Variants in TACC2 observed in about 807,000 individuals in gnomAD.
TACC2 encodes transforming acidic coiled-coil containing protein 2.
A neutral mutation model predicts 227.3 loss-of-function variants in TACC2; 137 were observed. The observed-to-expected ratio is 0.60, with a 90% CI of 0.52 to 0.69. The LOEUF is 0.69. Ranked by LOEUF, TACC2 falls within the 30% of genes least tolerant of loss-of-function variation. The probability of loss-of-function intolerance (pLI) is 0.00; values close to 1 mark genes in which losing one functional copy is unlikely to be tolerated. For synonymous variants in TACC2, 1,523 were observed against 1,487.5 expected (o/e 1.02, Z -0.55); for missense variants, 3,470 against 3,694.4 (o/e 0.94, Z 1.57).
intron 7 of TACC2, among the ~76,000 whole-genome samples, chr10:122,187,842 G>A (rs547635313): frequency 2.6e-5 from 4 of 152,206 alleles, no homozygotes; most frequent in South Asian, 2.1e-4. Flanking sequence ...GATCAGAGCT[G>A]CAATAATAAT....
At position 122,226,500 on chromosome 10, in the gene TACC2, GAGAGT is replaced by G; in HGVS notation, c.7724+20_7724+24del. 1 of 1,553,624 alleles carries G rather than the reference GAGAGT, an allele frequency of 6.4e-7. No individual in the cohort carries two copies. Among genetic ancestry groups the G allele is most frequent in the Non-Finnish European group, 8.9e-7 (1 of 1,127,926 alleles). On this transcript the variant is annotated intron_variant, in intron 13 of 22. Coordinates refer to ENST00000369005, the MANE Select transcript of TACC2 (RefSeq NM_206862.4). ...GTTCAGGGTATGACTTCCATGATGA[GAGAGT>G]TACACATCATGCTGGATGTTCTAAA...
intron 5 of TACC2, among the ~76,000 whole-genome samples, chr10:122,104,995 C>T (rs891053858): frequency 6.6e-6 from 1 of 152,154 alleles, no homozygotes; most frequent in African/African-American, 2.4e-5. Flanking sequence ...TTGCACAGGG[C>T]CAGGATGTAG....
intron 6 of TACC2, among the ~76,000 whole-genome samples, chr10:122,133,033 C>T (rs2088695388): frequency 6.6e-6 from 1 of 152,114 alleles, no homozygotes; most frequent in Admixed American, 6.5e-5. Context: ...TTCAGGGGTC[C>T]CTATTTGAAA....
chr10:122,202,949 CAT>C (rs1264418527), intron 8 of TACC2, among the ~76,000 whole-genome samples: 3 of 151,292 alleles, frequency 2.0e-5, no homozygotes, highest in African/African-American at 4.9e-5. Context: ...GGATACAGCA[CAT>C]GTTTCAGAGA....
intron 5 of TACC2, among the ~76,000 whole-genome samples, chr10:122,096,075 G>C (rs1156418004): frequency 6.6e-6 from 1 of 152,204 alleles, no homozygotes; most frequent in East Asian, 1.9e-4. Context: ...TGCTCGGTGA[G>C]TATTAGGCGC....
chr10:122,194,942 G>A lies in TACC2; in HGVS notation c.5835-98G>A, dbSNP rs751797827. On this transcript the variant is annotated intron_variant, in intron 7 of 22. Transcript: ENST00000369005. The surrounding 1 kb of genome is among the most constrained non-coding windows in gnomAD (Gnocchi z 4.4). The stretch of plus-strand genomic sequence containing the variant: ...TCCCTGCACAGTTTAACTGAGCAGC[G>A]AGCCAGAACCCACTGGCTCTGGGTG... The A allele has an allele frequency of 3.1e-6, 4 of 1,276,236 alleles. No homozygotes were observed. Among genetic ancestry groups the A allele is most frequent in the African/African-American group, 3.0e-5 (2 of 67,036 alleles). The allele number at this position is 1,276,236 out of a possible 1,614,324, so 79.1% of individuals were successfully genotyped here. A position where few individuals can be genotyped will look rare whatever the true frequency, so the allele number is the denominator to read the frequency against.
chr10:122,007,966 T>G (rs1955395530), intron 1 of TACC2, among the ~76,000 whole-genome samples: 1 of 152,164 alleles, frequency 6.6e-6, no homozygotes, highest in Admixed American at 6.6e-5. Context: ...GTGATGCCTC[T>G]GACCACCTCA....
At chr10:122,236,651 C>A (rs2095862616) in intron 16 of TACC2, among the ~76,000 whole-genome samples, 1 of 152,348 alleles carries the variant, frequency 6.6e-6, no homozygotes, top group African/African-American at 2.4e-5. Flanking sequence ...AAAGCCTCAA[C>A]CAACATCAGT....
intron 3 of TACC2, among the ~76,000 whole-genome samples, chr10:122,056,160 G>A (rs1415928646): frequency 6.6e-6 from 1 of 152,156 alleles, no homozygotes; most frequent in Non-Finnish European, 1.5e-5. Context: ...TGAGGCCTGT[G>A]AAGGGGCATT....
chr10:122,122,927 A>G (rs1055272142), intron 5 of TACC2, among the ~76,000 whole-genome samples: 2 of 152,212 alleles, frequency 1.3e-5, no homozygotes, highest in African/African-American at 4.8e-5. Context: ...TAAAATCAGC[A>G]TGCTTGCAAC....
chr10:122,050,310 G>A lies in TACC2; in HGVS notation c.34-128G>A, dbSNP rs1376388935. ...CAGTGCCGCACATAGTAGGTGTTTCGTTGGACGGCAGAGCAAGTGAACAAC... is the reference window on the plus strand; with the variant it reads ...CAGTGCCGCACATAGTAGGTGTTTCATTGGACGGCAGAGCAAGTGAACAAC... On this transcript the variant is annotated intron_variant, in intron 2 of 22. Coordinates refer to ENST00000369005, the MANE Select transcript of TACC2 (RefSeq NM_206862.4). The surrounding 1 kb of genome is among the most constrained non-coding windows in gnomAD (Gnocchi z 4.6). The A allele has an allele frequency of 5.6e-6, 4 of 711,818 alleles. No individual in the cohort carries two copies. The highest frequency in any genetic ancestry group is 1.8e-5 in the African/African-American group (1 of 55,958). 44.1% of individuals were successfully genotyped at this position (711,818 alleles called of 1,614,324 possible).
chr10:122,110,274 C>G lies in TACC2; in HGVS notation c.5573+21683C>G, dbSNP rs114638374. ...CAGTAGATTCCAGGTATCCCAAGAC[C>G]GCACAAGCCTGCATCTTTCCTCCTC... On this transcript the variant is annotated intron_variant, in intron 5 of 22. Transcript: ENST00000369005. Among the ~76,000 whole-genome samples the G allele has an allele frequency of 3.9e-5, 6 of 152,148 alleles. No homozygotes were observed. The East Asian group carries it at 1.2e-3, about 29-fold the overall frequency.
intron 7 of TACC2, among the ~76,000 whole-genome samples, chr10:122,149,681 G>A (rs533156125): frequency 5.3e-5 from 8 of 152,206 alleles, no homozygotes; most frequent in Non-Finnish European, 1.2e-4. Context: ...GAGCCAGTTC[G>A]CCAGTCCGCT....
At chr10:122,093,727 C>T (rs2081076146) in intron 5 of TACC2, among the ~76,000 whole-genome samples, 1 of 152,198 alleles carries the variant, frequency 6.6e-6, no homozygotes, top group African/African-American at 2.4e-5. Flanking sequence ...GGGAAGATAA[C>T]ATCTCTCTTT....
intron 5 of TACC2, among the ~76,000 whole-genome samples, chr10:122,102,172 G>C (rs921142776): frequency 6.6e-6 from 1 of 152,080 alleles, no homozygotes; most frequent in Admixed American, 6.6e-5. Context: ...AACATTGGCT[G>C]CACACTGAAA....
Position 122,082,823 on chromosome 10 carries a change from C to T in TACC2, c.323C>T (p.Ser108Leu), listed in dbSNP as rs141987188. The T allele has an allele frequency of 3.4e-5, 55 of 1,613,704 alleles. No individual in the cohort carries two copies. Among genetic ancestry groups the T allele is most frequent in the Non-Finnish European group, 3.6e-5 (42 of 1,180,012 alleles). Residue 108 changes from serine (S) to leucine (L), a missense_variant, in exon 4 of 23, where the codon TCG (serine) becomes TTG (leucine). By Grantham distance (145) the Ser-to-Leu change is moderately radical. Transcript: ENST00000369005. ...CCGTCCCAGGAGCGAGAGCACCCCT[C>T]GTCCTCCATGCCCTTTGCCGAGTGT... is the stretch of plus-strand genomic sequence containing the variant. The part of the protein sequence containing the change: ...PPPSQEREHP[S>L]SSMPFAECPP...
intron 3 of TACC2, among the ~76,000 whole-genome samples, chr10:122,073,084 G>A (rs1178588511): frequency 7.7e-6 from 1 of 129,500 alleles, no homozygotes; most frequent in African/African-American, 3.0e-5. Flanking sequence ...TTGGACTCCA[G>A]CCTGGGTGAC....
At chr10:122,163,464 G>C in intron 7 of TACC2, 1 of 644,770 alleles carries the variant, frequency 1.6e-6, no homozygotes, top group Non-Finnish European at 1.9e-6. Flanking sequence ...CCGGGGCAGA[G>C]GGAGGGTCTT....
chr10:122,131,098 A>AGGATT (rs2087989305), intron 5 of TACC2, among the ~76,000 whole-genome samples: 1 of 148,754 alleles, frequency 6.7e-6, no homozygotes, highest in African/African-American at 2.5e-5. Flanking sequence ...GGATTGCTTG[A>AGGATT]GCCTGGGAAG....
Sources: allele counts gnomAD v4.1 joint callset (sites outside exome capture counted in the v4.1 genomes callset), GRCh38; gene constraint gnomAD v4.1.1; non-coding constraint Gnocchi (gnomAD v3.1); transcripts MANE v1.5; gene names NCBI Gene and HGNC (gene_info 2026-07-23, HGNC 2026-07-21).